DAB2IP: variants seen among roughly 807,000 people sequenced by gnomAD.
DAB2IP encodes DAB2 interacting protein, also known as disabled homolog 2-interacting protein.
DAB2IP carries 28 observed loss-of-function variants against 107.2 expected under a neutral mutation model. The ratio of observed to expected loss-of-function variants is 0.26; its 90% CI spans 0.19 to 0.36. The LOEUF (loss-of-function observed/expected upper bound fraction) is 0.36. Ranked by LOEUF, DAB2IP falls within the 10% of genes least tolerant of loss-of-function variation. The pLI is 1.00. For missense variants in DAB2IP, 1,400 were observed against 1,644.7 expected (o/e 0.85, Z 2.57); for synonymous variants, 755 against 706.4 (o/e 1.07, Z -1.09).
chr9:121,583,702 G>A (rs1179439688), intron 1 of DAB2IP, among the ~76,000 whole-genome samples: 2 of 152,164 alleles, frequency 1.3e-5, no homozygotes, highest in East Asian at 1.9e-4. Context: ...ATAGCACTTC[G>A]GCATCACCTG....
In DAB2IP at chr9:121,599,068, C is replaced by A. The variant is rs2789877; in HGVS notation, c.40+31840C>A. On this transcript the variant is annotated intron_variant, in intron 1 of 16. Transcript: ENST00000259371. The surrounding 1 kb of genome is among the most constrained non-coding windows in gnomAD (Gnocchi z 6.9). Reference sequence around the variant, plus strand: ...TCTAGTTCCCCCCATTAGTCCCCGGCTCCTGAGGTTGGAGATCCACGCAGG... The same window carrying A: ...TCTAGTTCCCCCCATTAGTCCCCGGATCCTGAGGTTGGAGATCCACGCAGG... Among the ~76,000 whole-genome samples the A allele has an allele frequency of 0.23, 34,820 of 152,032 alleles. 4,815 individuals are homozygous for A. Among genetic ancestry groups the A allele is most frequent in the Non-Finnish European group, 0.32 (21,409 of 67,934 alleles).
chr9:121,632,615 G>C (rs1217690074), intron 1 of DAB2IP, among the ~76,000 whole-genome samples: 5 of 152,110 alleles, frequency 3.3e-5, no homozygotes, highest in Admixed American at 2.6e-4. Context: ...CCACCCCCCA[G>C]GAAGGGTCAA....
chr9:121,583,148 A>G (rs987758752), intron 1 of DAB2IP, among the ~76,000 whole-genome samples: 1 of 152,246 alleles, frequency 6.6e-6, no homozygotes, highest in Non-Finnish European at 1.5e-5. Context: ...ACACTTTGGG[A>G]GGCCAAGGTG....
intron 2 of DAB2IP, among the ~76,000 whole-genome samples, chr9:121,685,881 T>C (rs1192815697): frequency 6.6e-6 from 1 of 152,196 alleles, no homozygotes; most frequent in African/African-American, 2.4e-5. Flanking sequence ...CAGCAGGAAC[T>C]GAGCGCAGTT....
chr9:121,676,483 C>T (rs1833909761), intron 1 of DAB2IP, among the ~76,000 whole-genome samples: 1 of 152,202 alleles, frequency 6.6e-6, no homozygotes, highest in Non-Finnish European at 1.5e-5. Context: ...TGTGTGTTCA[C>T]ACCTACCAGG....
exon 2 of DAB2IP, chr9:121,678,769 G>C: frequency 6.3e-7 from 1 of 1,592,624 alleles, no homozygotes; most frequent in Non-Finnish European, 8.6e-7. Context: ...CCGCCACGCC[G>C]TTCCGGGTCA....
intron 2 of DAB2IP, among the ~76,000 whole-genome samples, chr9:121,697,772 C>G (rs1367769111): frequency 6.6e-6 from 1 of 152,106 alleles, no homozygotes; most frequent in Admixed American, 6.6e-5. Context: ...ACGCAGAATC[C>G]CAACAGGTGG....
In DAB2IP at chr9:121,678,181, CT is replaced by C. The variant is rs199699065; in HGVS notation, c.125-495del. Among the ~76,000 whole-genome samples, 7 of 152,326 alleles carry C rather than the reference CT, an allele frequency of 4.6e-5. No homozygotes were observed. In the East Asian group the frequency reaches 1.3e-3, roughly 29 times the overall value. On this transcript the variant is annotated intron_variant, in intron 1 of 15. Coordinates refer to ENST00000408936, the Ensembl canonical transcript of DAB2IP. ...CCCCTCTCTCATCAGCCTCTGCTAA[CT>C]TCAAATCTGCTTTCTGTCTCTACGA...
chr9:121,594,288 G>A (rs1038620432), intron 1 of DAB2IP, among the ~76,000 whole-genome samples: 18 of 150,548 alleles, frequency 1.2e-4, no homozygotes, highest in African/African-American at 2.5e-4. Context: ...CGAGGCTGGA[G>A]GGCAAATGGT....
rs918255675 is a variant in DAB2IP at position 121,599,013 on chromosome 9, G to A, written c.40+31785G>A. Among the ~76,000 whole-genome samples the A allele has an allele frequency of 2.0e-5, 3 of 152,172 alleles. No individual in the cohort carries two copies. Among genetic ancestry groups the A allele is most frequent in the Admixed American group, 6.5e-5 (1 of 15,280 alleles). ...GTGGGAGTGCTGGGGTGCCTTCCCT[G>A]TGACACCCCGCACTGTCCCCTTCCC... On this transcript the variant is annotated intron_variant, in intron 1 of 16. Coordinates refer to the DAB2IP transcript ENST00000259371. The surrounding 1 kb of genome is among the most constrained non-coding windows in gnomAD (Gnocchi z 6.9).
intron 1 of DAB2IP, among the ~76,000 whole-genome samples, chr9:121,674,781 G>A (rs1031250023): frequency 2.0e-5 from 3 of 151,914 alleles, no homozygotes; most frequent in South Asian, 2.1e-4. Context: ...CATCCTCACC[G>A]GGCACCCAGT....
chr9:121,742,551 C>G (rs542947302), intron 3 of DAB2IP, among the ~76,000 whole-genome samples: 19 of 152,214 alleles, frequency 1.2e-4, no homozygotes, highest in African/African-American at 4.6e-4. Context: ...TCCAGTCTCT[C>G]TTCCCTTCCT....
chr9:121,722,172 C>T (rs972499811), intron 3 of DAB2IP, among the ~76,000 whole-genome samples: 5 of 152,198 alleles, frequency 3.3e-5, no homozygotes, highest in Non-Finnish European at 5.9e-5. Flanking sequence ...TCGATCTCTC[C>T]GTTGTCCATG....
At position 121,783,537 on chromosome 9, in the gene DAB2IP, A is replaced by G. The variant is rs1295914944; in HGVS notation, c.*1039A>G. The G allele has an allele frequency of 5.0e-6, 8 of 1,614,134 alleles. No individual in the cohort carries two copies. Among genetic ancestry groups the G allele is most frequent in the Non-Finnish European group, 6.8e-6 (8 of 1,180,026 alleles). On this transcript the variant is annotated 3_prime_UTR_variant, in exon 16 of 16. Transcript: ENST00000408936. ...CTGTGATTTTTTTTCCTTTCACAGT[A>G]TGCATTAGAAACAAAAGCCCGCTTG... is the stretch of plus-strand genomic sequence containing the variant.
At chr9:121,766,857 C>G in intron 9 of DAB2IP, 127 bp downstream of exon 9, 1 of 903,196 alleles carries the variant, frequency 1.1e-6, no homozygotes, top group Admixed American at 2.2e-5. Flanking sequence ...TCCCTGTCAT[C>G]CTCAGTCCTT....
intron 1 of DAB2IP, among the ~76,000 whole-genome samples, chr9:121,671,674 T>A (rs1360543006): frequency 1.3e-5 from 2 of 152,262 alleles, no homozygotes; most frequent in Non-Finnish European, 2.9e-5. Flanking sequence ...CCATTTCCTT[T>A]TGCAACTGAT....
intron 1 of DAB2IP, among the ~76,000 whole-genome samples, chr9:121,637,312 T>G (rs1054009268): frequency 6.6e-6 from 1 of 152,230 alleles, no homozygotes; most frequent in Non-Finnish European, 1.5e-5. Context: ...CTCTGCTGGC[T>G]GAGCCTAGCA....
intron 2 of DAB2IP, among the ~76,000 whole-genome samples, chr9:121,688,713 C>T (rs916448151): frequency 6.6e-6 from 1 of 152,234 alleles, no homozygotes; most frequent in Admixed American, 6.5e-5. Flanking sequence ...TCTGATTTGT[C>T]TGAACTCCCA....
chr9:121,665,326 A>G (rs2119100668), intron 1 of DAB2IP, among the ~76,000 whole-genome samples: 1 of 152,336 alleles, frequency 6.6e-6, no homozygotes, highest in Admixed American at 6.5e-5. Flanking sequence ...TGGCCAACAT[A>G]GTGAGACCCC....
Sources: allele counts gnomAD v4.1 joint callset (sites outside exome capture counted in the v4.1 genomes callset), GRCh38; gene constraint gnomAD v4.1.1; non-coding constraint Gnocchi (gnomAD v3.1); transcripts MANE v1.5; gene names NCBI Gene and HGNC (gene_info 2026-07-23, HGNC 2026-07-21).